Variants in SLC37A3 observed in about 807,000 individuals in gnomAD.
The protein encoded by SLC37A3 is sugar phosphate exchanger 3.
SLC37A3 carries 51 observed loss-of-function variants against 67.1 expected under a neutral mutation model. That is an observed-to-expected ratio of 0.76 (90% CI 0.61 to 0.96). SLC37A3 has a LOEUF of 0.96. Ranked by LOEUF, SLC37A3 falls within the 40% of genes least tolerant of loss-of-function variation. The probability of loss-of-function intolerance (pLI) is 0.00; values close to 1 mark genes in which losing one functional copy is unlikely to be tolerated. For synonymous variants in SLC37A3, 214 were observed against 231.4 expected, an observed-to-expected ratio of 0.92 and a Z score of 0.68; for missense variants, 508 against 603.0, an observed-to-expected ratio of 0.84 and a Z score of 1.65.
At chr7:140,369,433 G>A (rs531167003) in intron 4 of SLC37A3, among the ~76,000 whole-genome samples, 157 bp downstream of exon 4, 1 of 152,288 alleles carries the variant, frequency 6.6e-6, no homozygotes, top group South Asian at 2.1e-4. Flanking sequence ...TCGAATGAAT[G>A]AATAAATGAA....
intron 13 of SLC37A3, 68 bp from the exon 14 acceptor site, chr7:140,337,417 T>A: frequency 7.8e-7 from 1 of 1,275,054 alleles, no homozygotes; most frequent in Non-Finnish European, 1.1e-6. Flanking sequence ...AGCTAAAAAG[T>A]AGATTAAACA....
chr7:140,346,533 G>A (rs972060064), intron 10 of SLC37A3, among the ~76,000 whole-genome samples: 8 of 152,196 alleles, frequency 5.3e-5, no homozygotes, highest in Non-Finnish European at 7.4e-5. Flanking sequence ...CAAAGCCATC[G>A]GCTATCCCTT....
rs34892110 is a variant in SLC37A3, at chr7:140,376,940, A to ATT, written c.198+3340_198+3341dup. ...AGGTATGTGCCACCACACCCAGCTAATTTTTTTTTTTTTTTTTTTTTGAGA... is the reference window on the plus strand; with the variant it reads ...AGGTATGTGCCACCACACCCAGCTAATTTTTTTTTTTTTTTTTTTTTTTGAGA... On this transcript the variant is annotated intron_variant, in intron 3 of 14. Coordinates refer to ENST00000326232, the MANE Select transcript of SLC37A3 (RefSeq NM_207113.3). Among the ~76,000 whole-genome samples the ATT allele has an allele frequency of 6.2e-3, 689 of 110,474 alleles. 10 individuals are homozygous for ATT. Among genetic ancestry groups the ATT allele is most frequent in the Non-Finnish European group, 8.2e-3 (459 of 55,836 alleles). 72.5% of individuals were successfully genotyped at this position (110,474 alleles called of 152,430 possible).
intron 3 of SLC37A3, among the ~76,000 whole-genome samples, chr7:140,370,077 T>C (rs1797760278): frequency 6.6e-6 from 1 of 151,294 alleles, no homozygotes; most frequent in South Asian, 2.1e-4. Flanking sequence ...ACCATTGCAC[T>C]CCAGCCTGGG....
chr7:140,366,359 T>C (rs1480569749), intron 4 of SLC37A3, among the ~76,000 whole-genome samples: 1 of 152,168 alleles, frequency 6.6e-6, no homozygotes, highest in Non-Finnish European at 1.5e-5. Context: ...TCTGCCCTCC[T>C]TGGCCTCCCA....
Position 140,337,359 on chromosome 7 carries a change from A to AG in SLC37A3, c.1327-11dup, listed in dbSNP as rs778598306. The AG allele has an allele frequency of 6.4e-7, 1 of 1,571,396 alleles. No individual in the cohort carries two copies. The highest frequency in any genetic ancestry group is 1.2e-5 in the South Asian group (1 of 83,204). On this transcript the variant is annotated splice_polypyrimidine_tract_variant and intron_variant, in intron 13 of 14. Coordinates refer to ENST00000326232, the MANE Select transcript of SLC37A3 (RefSeq NM_207113.3). Reference sequence around the variant, plus strand: ...TCAGAGACACTAAATACTGAAAGGGAGGAAAAAAAAATTACAATATAATTC... The same window carrying AG: ...TCAGAGACACTAAATACTGAAAGGGAGGGAAAAAAAAATTACAATATAATTC...
intron 4 of SLC37A3, among the ~76,000 whole-genome samples, chr7:140,368,492 G>A (rs1466296859): frequency 1.3e-5 from 2 of 152,084 alleles, no homozygotes; most frequent in African/African-American, 2.4e-5. Context: ...GCTTGAACCC[G>A]AGAGGTGGAG....
chr7:140,351,538 AT>A (rs1360964370), intron 8 of SLC37A3, 87 bp from the exon 9 acceptor site: 3 of 1,358,208 alleles, frequency 2.2e-6, no homozygotes, highest in African/African-American at 2.9e-5. Flanking sequence ...AGGTGATGTT[AT>A]TTTTATTTCC....
chr7:140,368,706 T>A (rs1290902325), intron 4 of SLC37A3, among the ~76,000 whole-genome samples: 1 of 152,076 alleles, frequency 6.6e-6, no homozygotes, highest in East Asian at 1.9e-4. Context: ...GCAGCAGAGG[T>A]CAAATGTAAT....
At chr7:140,359,698 A>G (rs1396880913) in intron 5 of SLC37A3, among the ~76,000 whole-genome samples, 2 of 152,240 alleles carry the variant, frequency 1.3e-5, no homozygotes, top group South Asian at 2.1e-4. Flanking sequence ...AATACTCTGC[A>G]TGATTAAAAA....
intron 10 of SLC37A3, 87 bp downstream of exon 10, chr7:140,348,539 A>C: frequency 6.9e-7 from 1 of 1,445,652 alleles, no homozygotes; most frequent in African/African-American, 1.5e-5. Context: ...AAGTAATAAA[A>C]CTTTAAATGA....
chr7:140,382,467 A>T lies in SLC37A3; in HGVS notation c.60T>A (p.His20Gln), dbSNP rs564673565. ...GSLLSQFSHH[H>Q]VVVFLLTFFS... ...AGAAAGTGAGCAGGAACACTACAAC[A>T]TGATGATGGCTGAACTGGGACAGCA... Residue 20 changes from histidine to glutamine, a missense_variant, in exon 2 of 15, where the codon CAT (histidine) becomes CAA (glutamine). Transcript: ENST00000326232. 5 of 1,614,178 alleles carry T rather than the reference A, an allele frequency of 3.1e-6. No homozygotes were observed. In the Admixed American group the frequency reaches 8.3e-5, roughly 27 times the overall value.
chr7:140,343,316 C>G, intron 13 of SLC37A3, 96 bp downstream of exon 13: 1 of 1,558,718 alleles, frequency 6.4e-7, no homozygotes, highest in Non-Finnish European at 8.8e-7. Context: ...TTCTACAGCA[C>G]AAGAGTGCCA....
At position 140,362,684 on chromosome 7, in the gene SLC37A3, G is replaced by T. The variant is rs1359364342; in HGVS notation, c.375+1724C>A. 9.4e-5 allele frequency among the ~76,000 whole-genome samples: 5 copies of T among 53,206 alleles called. 1 individual carries two copies. The highest frequency in any genetic ancestry group is 3.5e-4 in the African/African-American group (5 of 14,098). The allele number at this position is 53,206 out of a possible 152,430, so 34.9% of individuals were successfully genotyped here. A position where few individuals can be genotyped will look rare whatever the true frequency, so the allele number is the denominator to read the frequency against. On this transcript the variant is annotated intron_variant, in intron 5 of 14. Coordinates refer to ENST00000326232, the MANE Select transcript of SLC37A3 (RefSeq NM_207113.3). ...GTCCGGGAGGGAGGTGGGGGGGGGGGTCAGCCCCCTGCCCGGCCAGCCGCC... is the reference window on the plus strand; with the variant it reads ...GTCCGGGAGGGAGGTGGGGGGGGGGTTCAGCCCCCTGCCCGGCCAGCCGCC...
At chr7:140,372,580 C>T (rs4726780) in intron 3 of SLC37A3, among the ~76,000 whole-genome samples, 56,519 of 151,958 alleles carry the variant, frequency 0.37, 11,687 homozygotes, top group Non-Finnish European at 0.46. Flanking sequence ...AAGCCAATGT[C>T]GGCTGGGAGG....
chr7:140,344,063 G>A (rs1796461529), intron 12 of SLC37A3: 1 of 177,680 alleles, frequency 5.6e-6, no homozygotes, highest in South Asian at 1.2e-4. Context: ...TCCCACTGCT[G>A]GAATCAGTTC....
intron 6 of SLC37A3, among the ~76,000 whole-genome samples, chr7:140,357,908 C>A (rs1797098761): frequency 8.8e-6 from 1 of 114,002 alleles, no homozygotes. Flanking sequence ...AAAACTCCAT[C>A]TCAAAAAAAA....
chr7:140,384,482 T>C (rs1322450071), intron 1 of SLC37A3, among the ~76,000 whole-genome samples: 1 of 151,720 alleles, frequency 6.6e-6, no homozygotes, highest in Non-Finnish European at 1.5e-5. Context: ...TAGGCCAAGG[T>C]GGGAGGAACA....
At chr7:140,365,147 T>C (rs1367756826) in intron 4 of SLC37A3, among the ~76,000 whole-genome samples, 2 of 152,198 alleles carry the variant, frequency 1.3e-5, no homozygotes, top group Admixed American at 1.3e-4. Flanking sequence ...CTCCTCCCAC[T>C]GAGTGGCAGG....
Sources: allele counts gnomAD v4.1 joint callset (sites outside exome capture counted in the v4.1 genomes callset), GRCh38; gene constraint gnomAD v4.1.1; transcripts MANE v1.5; gene names NCBI Gene and HGNC (gene_info 2026-07-23, HGNC 2026-07-21).